KIFBP: variants seen among roughly 807,000 people sequenced by gnomAD.
The protein encoded by KIFBP is kinesin family binding protein, also known as KIF-binding protein.
In KIFBP, 46 loss-of-function variants were observed where a neutral mutation model predicts 58.9. The observed-to-expected ratio is 0.78, with a 90% confidence interval of 0.62 to 1.00. The LOEUF (loss-of-function observed/expected upper bound fraction) is 1.00. KIFBP is among the 50% of genes least tolerant of loss of function. The pLI is 0.00. For missense variants in KIFBP, 651 were observed against 752.9 expected, an observed-to-expected ratio of 0.86 and a Z score of 1.58; for synonymous variants, 241 against 283.4, an observed-to-expected ratio of 0.85 and a Z score of 1.50.
chr10:69,008,389 A>T (rs868335954), intron 4 of KIFBP, among the ~76,000 whole-genome samples: 57 of 56,550 alleles, frequency 1.0e-3, no homozygotes, highest in East Asian at 4.3e-3. Context: ...AAAAAAAAAA[A>T]AAATATATAT....
chr10:69,001,120 A>ATT (rs750335112), intron 2 of KIFBP, among the ~76,000 whole-genome samples: 1 of 145,210 alleles, frequency 6.9e-6, no homozygotes. Context: ...TTTTTCAATG[A>ATT]TTTTTTTTTT....
chr10:69,016,512 C>A lies in KIFBP; in HGVS notation c.*96C>A. 8.1e-7 allele frequency: 1 copy of A among 1,232,798 alleles called. No homozygotes were observed. The highest frequency in any genetic ancestry group is 1.2e-6 in the Non-Finnish European group (1 of 852,838). The allele number at this position is 1,232,798 out of a possible 1,614,324, so 76.4% of individuals were successfully genotyped here. ...CCATTGTGATGTTTACCTTTATAGC[C>A]AGGTGAGTGCAGTTTGAACTTGAGA... On this transcript the variant is annotated 3_prime_UTR_variant, in exon 7 of 7. Coordinates refer to ENST00000361983, the MANE Select transcript of KIFBP (RefSeq NM_015634.4).
At position 69,015,412 on chromosome 10, in the gene KIFBP, A is replaced by G. The variant is rs1456771598; in HGVS notation, c.991-129A>G. 10 of 802,930 alleles carry G rather than the reference A, an allele frequency of 1.2e-5. No individual in the cohort carries two copies. In the Admixed American group the frequency reaches 2.2e-4, roughly 18 times the overall value. 49.7% of individuals were successfully genotyped at this position (802,930 alleles called of 1,614,324 possible). On this transcript the variant is annotated intron_variant, in intron 6 of 6. Coordinates refer to ENST00000361983, the MANE Select transcript of KIFBP (RefSeq NM_015634.4). ...GTTTTCAAAGGTGTTTAAGATTATGATACCCTTCTAAACCAGGCTGGAAAG... is the reference window on the plus strand; with the variant it reads ...GTTTTCAAAGGTGTTTAAGATTATGGTACCCTTCTAAACCAGGCTGGAAAG...
Position 69,008,391 on chromosome 10 carries a change from A to AAAAATATAT in KIFBP, c.790-449_790-448insAAATATATA. The stretch of plus-strand genomic sequence containing the variant: ...CCCCTGTCTCGTAAAAAAAAAAAAA[A>AAAAATATAT]ATATATATATATATATATATATATA... On this transcript the variant is annotated intron_variant, in intron 4 of 6. Transcript: ENST00000361983. 5.7e-3 allele frequency among the ~76,000 whole-genome samples: 408 copies of AAAAATATAT among 71,544 alleles called. 3 individuals carry two copies. Among genetic ancestry groups the AAAAATATAT allele is most frequent in the East Asian group, 0.015 (40 of 2,716 alleles). 46.9% of individuals were successfully genotyped at this position (71,544 alleles called of 152,430 possible).
chr10:69,015,654 T>C lies in KIFBP; in HGVS notation c.1104T>C (p.Gly368=), dbSNP rs148938646. The C allele has an allele frequency of 3.8e-5, 62 of 1,614,038 alleles. No homozygotes were observed. In the African/African-American group the frequency reaches 6.9e-4, roughly 18 times the overall value. Residue 368 remains glycine, a synonymous_variant, in exon 7 of 7, where the codon GGT becomes GGC. Transcript: ENST00000361983. ...AAAAAGCTGTGCAGTTTGGAACCGG[T>C]GAACTGTGTGATGCCATCTCTGCAG... ...IRKKAVQFGT[G]ELCDAISAVE... is the part of the protein sequence containing the mutation.
At position 69,016,928 on chromosome 10, in the gene KIFBP, G is replaced by A. The variant is rs1376399557; in HGVS notation, c.*512G>A. On this transcript the variant is annotated 3_prime_UTR_variant, in exon 7 of 7. Coordinates refer to ENST00000361983, the MANE Select transcript of KIFBP (RefSeq NM_015634.4). ...TGTAAAATGGTTTGTCTTAATTATA[G>A]GAGAAAAAGGCCTTGTTAGAAATAA... The A allele has an allele frequency of 2.6e-5, 4 of 152,780 alleles. No individual in the cohort carries two copies. The highest frequency in any genetic ancestry group is 9.7e-5 in the African/African-American group (4 of 41,374). 9.5% of individuals were successfully genotyped at this position (152,780 alleles called of 1,614,324 possible).
Position 69,005,853 on chromosome 10 carries a change from G to T in KIFBP, c.727G>T (p.Ala243Ser). ...STLKRQLEHN[A>S]YHPIEWAINA... ...ACTAAAACGCCAGCTTGAGCACAAT[G>T]CCTACCATCCTATAGAGTGGGCTAT... Residue 243 changes from alanine (A) to serine (S), a missense_variant, in exon 4 of 7, where the codon GCC (alanine) becomes TCC (serine). Coordinates refer to ENST00000361983, the MANE Select transcript of KIFBP (RefSeq NM_015634.4). 6.2e-7 allele frequency: 1 copy of T among 1,614,112 alleles called. No individual in the cohort carries two copies. Among genetic ancestry groups the T allele is most frequent in the Middle Eastern group, 1.6e-4 (1 of 6,062 alleles).
intron 6 of KIFBP, chr10:69,011,262 A>T (rs1843586508): frequency 2.5e-6 from 1 of 398,368 alleles, no homozygotes; most frequent in South Asian, 2.8e-5. Flanking sequence ...GCGAGACTCC[A>T]TCTCTAAATA....
rs1178578038 is a variant in KIFBP, at chr10:69,016,883, T to C, written c.*467T>C. 1.3e-5 allele frequency: 2 copies of C among 155,542 alleles called. No homozygotes were observed. Among genetic ancestry groups the C allele is most frequent in the African/African-American group, 4.8e-5 (2 of 41,476 alleles). The allele number at this position is 155,542 out of a possible 1,614,324, so 9.6% of individuals were successfully genotyped here. A position where few individuals can be genotyped will look rare whatever the true frequency, so the allele number is the denominator to read the frequency against. On this transcript the variant is annotated 3_prime_UTR_variant, in exon 7 of 7. Transcript: ENST00000361983. ...TTTCCCTTTTGAAAATACTAAAAAC[T>C]AAGTTATGTTATTATAAAGTGTAAA...
chr10:69,004,425 A>G (rs1267094898), intron 2 of KIFBP, among the ~76,000 whole-genome samples: 1 of 152,120 alleles, frequency 6.6e-6, no homozygotes, highest in Non-Finnish European at 1.5e-5. Context: ...ATATATGTCT[A>G]AAAGCAGATT....
At chr10:69,014,014 G>T (rs1346816025) in intron 6 of KIFBP, among the ~76,000 whole-genome samples, 1 of 152,188 alleles carries the variant, frequency 6.6e-6, no homozygotes, top group African/African-American at 2.4e-5. Context: ...GCCTCCCAAA[G>T]TGCTGGGATT....
At chr10:68,996,147 G>T (rs1050570072) in intron 1 of KIFBP, among the ~76,000 whole-genome samples, 1 of 134,808 alleles carries the variant, frequency 7.4e-6, no homozygotes, top group African/African-American at 2.8e-5. Context: ...AACAGAGCAA[G>T]ACTCTATCTC....
At chr10:69,007,628 T>C (rs1843549092) in intron 4 of KIFBP, 1 of 152,254 alleles carries the variant, frequency 6.6e-6, no homozygotes, top group East Asian at 1.9e-4. Flanking sequence ...TATCTATAGA[T>C]GTTGCTGGGC....
chr10:68,993,255 A>T (rs773283616), intron 1 of KIFBP, among the ~76,000 whole-genome samples: 1 of 150,884 alleles, frequency 6.6e-6, no homozygotes. Context: ...ACTGACATCC[A>T]CTCATGTTCC....
At chr10:68,998,784 T>A (rs1332994549) in intron 1 of KIFBP, among the ~76,000 whole-genome samples, 25 of 140,372 alleles carry the variant, frequency 1.8e-4, no homozygotes, top group African/African-American at 6.0e-4. Flanking sequence ...TTTTTTTTTT[T>A]TTTTTTTTTG....
At chr10:68,991,338 G>GC in intron 1 of KIFBP, 1 of 257,128 alleles carries the variant, frequency 3.9e-6, no homozygotes, top group South Asian at 4.9e-5. Context: ...GTCAATGGCA[G>GC]CAATCAGGAA....
chr10:69,008,846 CT>C lies in KIFBP; in HGVS notation c.798del (p.Phe266LeufsTer45). 6.2e-7 allele frequency: 1 copy of C among 1,612,300 alleles called. No homozygotes were observed. Among genetic ancestry groups the C allele is most frequent in the South Asian group, 1.1e-5 (1 of 91,058 alleles). On this transcript the variant is annotated frameshift_variant, in exon 5 of 7. Transcript: ENST00000361983. LOFTEE classifies it high-confidence loss of function. ...LSQFYINKLC[F>X]MEARHCLSAA... ...GTTGTTTATTTCCCCAATAGCTATG[CT>C]TTATGGAGGCCAGGCACTGTTTATC... is the stretch of plus-strand genomic sequence containing the variant.
chr10:68,990,804 CCT>C (rs1843335154), intron 1 of KIFBP, among the ~76,000 whole-genome samples: 1 of 151,726 alleles, frequency 6.6e-6, no homozygotes, highest in African/African-American at 2.4e-5. Context: ...AGAGTGAGAC[CCT>C]GTCTCAAAAA....
At chr10:68,994,858 A>G (rs1217665051) in intron 1 of KIFBP, among the ~76,000 whole-genome samples, 2 of 151,080 alleles carry the variant, frequency 1.3e-5, no homozygotes, top group African/African-American at 2.4e-5. Flanking sequence ...CCTCTCTCCT[A>G]TATTCTTTTC....
Sources: gnomAD v4.1 joint callset for allele counts (sites outside exome capture counted in the v4.1 genomes callset) on GRCh38, gnomAD v4.1.1 for gene constraint, MANE v1.5 for transcripts, NCBI Gene and HGNC (gene_info 2026-07-23, HGNC 2026-07-21) for gene names.